The following KCNMA1 variants were observed in gnomAD, a reference collection of about 807,000 sequenced individuals.
The protein encoded by KCNMA1 is potassium calcium-activated channel subfamily M alpha 1.
In KCNMA1, 29 loss-of-function variants were observed where a neutral mutation model predicts 140.0. The ratio of observed to expected loss-of-function variants is 0.21; its 90% CI spans 0.15 to 0.28. KCNMA1 has a LOEUF of 0.28. KCNMA1 is among the 10% of genes least tolerant of loss of function. The probability of loss-of-function intolerance (pLI) is 1.00; values close to 1 mark genes in which losing one functional copy is unlikely to be tolerated. For synonymous variants in KCNMA1, 612 were observed against 611.9 expected, an observed-to-expected ratio of 1.00 and a Z score of 0.00; for missense variants, 880 against 1,602.2, an observed-to-expected ratio of 0.55 and a Z score of 7.70.
In KCNMA1 at chr10:77,276,728, T is replaced by C. The variant is rs546796246; in HGVS notation, c.541-25472A>G. Among the ~76,000 whole-genome samples, 6 of 152,248 alleles carry C rather than the reference T, an allele frequency of 3.9e-5. No individual in the cohort carries two copies. In the South Asian group the frequency reaches 1.0e-3, roughly 26 times the overall value. ...GGGGACTGGGCCTGGCTTGAGAATA[T>C]ACTAATCACACAATATATTTATAAT... is the stretch of plus-strand genomic sequence containing the variant. On this transcript the variant is annotated intron_variant, in intron 2 of 27. Transcript: ENST00000286628.
At chr10:77,428,206 G>T (rs1034641580) in intron 1 of KCNMA1, among the ~76,000 whole-genome samples, 3 of 152,188 alleles carry the variant, frequency 2.0e-5, no homozygotes, top group Non-Finnish European at 4.4e-5. Flanking sequence ...AAAACCAGGA[G>T]GTCCCAATGT....
chr10:77,492,063 G>A (rs1394073924), intron 1 of KCNMA1, among the ~76,000 whole-genome samples: 3 of 152,184 alleles, frequency 2.0e-5, no homozygotes, highest in African/African-American at 7.2e-5. Context: ...GGGATGGGCA[G>A]CAAGATTTGA....
At chr10:76,949,596 C>T (rs2065480619) in intron 21 of KCNMA1, 3 of 571,982 alleles carry the variant, frequency 5.2e-6, no homozygotes, top group African/African-American at 1.9e-5. Flanking sequence ...TATAGCCATA[C>T]ACATTGCTAC....
chr10:77,554,597 C>CA (rs59754706), intron 1 of KCNMA1, among the ~76,000 whole-genome samples: 6,147 of 83,902 alleles, frequency 0.073, 214 homozygotes, highest in Admixed American at 0.12. Flanking sequence ...TACTCCATCT[C>CA]AAAAAAAAAA....
Position 76,910,682 on chromosome 10 carries a change from C to G in KCNMA1, c.3017-586G>C, listed in dbSNP as rs972951997. On this transcript the variant is annotated intron_variant, in intron 24 of 27. Transcript: ENST00000286628. ...CACCCAATAGGCCCTGTTTAATACA[C>G]AGGAAACCCCAGGTGGGATGGATGC... 20 of 165,218 alleles carry G rather than the reference C, an allele frequency of 1.2e-4. No homozygotes were observed. The East Asian group carries it at 1.5e-3, about 12-fold the overall frequency. 10.2% of individuals were successfully genotyped at this position (165,218 alleles called of 1,614,324 possible).
intron 23 of KCNMA1, among the ~76,000 whole-genome samples, chr10:76,942,728 A>G (rs1475929689): frequency 1.3e-5 from 2 of 152,170 alleles, no homozygotes; most frequent in Non-Finnish European, 2.9e-5. Context: ...CTGGAAAATC[A>G]TGATCGAGTT....
At chr10:77,498,959 C>T (rs1329528260) in intron 1 of KCNMA1, 1 of 152,204 alleles carries the variant, frequency 6.6e-6, no homozygotes. Flanking sequence ...GGGCTCAACC[C>T]TCTGGACATG....
At chr10:77,219,964 A>T (rs2049056922) in intron 3 of KCNMA1, among the ~76,000 whole-genome samples, 2 of 152,204 alleles carry the variant, frequency 1.3e-5, no homozygotes, top group Non-Finnish European at 2.9e-5. Flanking sequence ...TAAAATCCCC[A>T]TTATCAGCTC....
intron 2 of KCNMA1, among the ~76,000 whole-genome samples, chr10:77,275,003 C>T (rs2066248502): frequency 1.3e-5 from 2 of 152,178 alleles, no homozygotes; most frequent in South Asian, 4.1e-4. Context: ...TAACACACAG[C>T]CATCACTCAT....
chr10:77,290,135 A>G (rs1475250648), intron 2 of KCNMA1, among the ~76,000 whole-genome samples: 1 of 152,178 alleles, frequency 6.6e-6, no homozygotes, highest in Non-Finnish European at 1.5e-5. Flanking sequence ...TACACACCAA[A>G]TTTTTTTAAA....
At chr10:77,531,864 A>G (rs1038326954) in intron 1 of KCNMA1, among the ~76,000 whole-genome samples, 2 of 152,212 alleles carry the variant, frequency 1.3e-5, no homozygotes, top group African/African-American at 4.8e-5. Context: ...GTGTCAGTCC[A>G]GGGCTAAAAG....
chr10:77,423,374 A>T (rs991465703), intron 1 of KCNMA1, among the ~76,000 whole-genome samples: 1 of 152,202 alleles, frequency 6.6e-6, no homozygotes, highest in Admixed American at 6.5e-5. Context: ...ACCTTCTCTA[A>T]TCGACATAGA....
chr10:77,388,094 C>G (rs2095681687), intron 2 of KCNMA1, among the ~76,000 whole-genome samples: 1 of 152,208 alleles, frequency 6.6e-6, no homozygotes, highest in Admixed American at 6.5e-5. Context: ...TCCTTAAACA[C>G]TAGAGCCAGA....
At chr10:77,134,705 C>G (rs931820019) in intron 5 of KCNMA1, among the ~76,000 whole-genome samples, 1 of 152,092 alleles carries the variant, frequency 6.6e-6, no homozygotes, top group South Asian at 2.1e-4. Context: ...AAGAATCAAC[C>G]GAGTGAAGAG....
At chr10:77,358,686 C>G (rs2093102196) in intron 2 of KCNMA1, among the ~76,000 whole-genome samples, 1 of 152,194 alleles carries the variant, frequency 6.6e-6, no homozygotes, top group Admixed American at 6.5e-5. Context: ...AACAAGTCCA[C>G]AAACACCATT....
intron 1 of KCNMA1, among the ~76,000 whole-genome samples, chr10:77,566,927 G>A (rs748422944): frequency 6.6e-6 from 1 of 152,104 alleles, no homozygotes; most frequent in Non-Finnish European, 1.5e-5. Context: ...GGAAAAGAGA[G>A]AGAGGGGAAG....
At chr10:76,941,727 A>AT (rs1168102917) in intron 23 of KCNMA1, among the ~76,000 whole-genome samples, 1 of 152,134 alleles carries the variant, frequency 6.6e-6, no homozygotes, top group Non-Finnish European at 1.5e-5. Flanking sequence ...ATAGAAACAC[A>AT]TCCTTTGCCT....
At chr10:77,484,024 T>C (rs1254633741) in intron 1 of KCNMA1, among the ~76,000 whole-genome samples, 2 of 152,170 alleles carry the variant, frequency 1.3e-5, no homozygotes, top group Admixed American at 1.3e-4. Flanking sequence ...GGGCCAAAAA[T>C]GGCACTCAGG....
intron 1 of KCNMA1, among the ~76,000 whole-genome samples, chr10:77,459,589 G>A (rs1324230160): frequency 6.6e-6 from 1 of 152,222 alleles, no homozygotes. Context: ...AGGCAGGCTG[G>A]TCCCCGAATA....
Sources: gnomAD v4.1 joint callset for allele counts (sites outside exome capture counted in the v4.1 genomes callset) on GRCh38, gnomAD v4.1.1 for gene constraint, MANE v1.5 for transcripts, NCBI Gene and HGNC (gene_info 2026-07-23, HGNC 2026-07-21) for gene names.